TMEM67: variants seen among roughly 807,000 people sequenced by gnomAD.
The protein encoded by TMEM67 is meckelin.
In TMEM67, 124 loss-of-function variants were observed where a neutral mutation model predicts 136.6. That is an observed-to-expected ratio of 0.91 (90% CI 0.78 to 1.05). The LOEUF is 1.05. TMEM67 is among the 50% of genes least tolerant of loss of function. The pLI, the probability that TMEM67 is intolerant of heterozygous loss-of-function variation, is 0.00. For synonymous variants in TMEM67, 364 were observed against 390.5 expected (o/e 0.93, Z 0.80); for missense variants, 1,107 against 1,178.4 (o/e 0.94, Z 0.89).
intron 7 of TMEM67, among the ~76,000 whole-genome samples, chr8:93,780,318 C>T (rs926469306): frequency 2.6e-5 from 4 of 152,122 alleles, no homozygotes; most frequent in Admixed American, 1.3e-4. Flanking sequence ...CAACCCCTTG[C>T]GCTTCCTGGG....
At chr8:93,768,355 T>C (rs569137404) in intron 6 of TMEM67, among the ~76,000 whole-genome samples, 1 of 151,938 alleles carries the variant, frequency 6.6e-6, no homozygotes, top group African/African-American at 2.4e-5. Context: ...CTCACACCTG[T>C]AATCACAGCA....
chr8:93,781,000 C>G lies in TMEM67; in HGVS notation c.978+18C>G. ...AAAACCAGGTAAAAGTGTCTAATAT[C>G]ATTAGAGGATAACTACATTTTGATT... On this transcript the variant is annotated intron_variant, in intron 9 of 27. Coordinates refer to ENST00000453321, the MANE Select transcript of TMEM67 (RefSeq NM_153704.6). The G allele has an allele frequency of 7.5e-7, 1 of 1,335,896 alleles. No individual in the cohort carries two copies. The highest frequency in any genetic ancestry group is 1.1e-6 in the Non-Finnish European group (1 of 927,904). 82.8% of individuals were successfully genotyped at this position (1,335,896 alleles called of 1,614,324 possible).
chr8:93,816,443 T>A lies in TMEM67; in HGVS notation c.2979T>A (p.Phe993Leu). Residue 993 changes from phenylalanine to leucine, a missense_variant, in exon 28 of 28, where the codon TTT becomes TTA. Around this residue, in one of 3 missense-constraint regions of TMEM67, gnomAD observed 925 missense variants for 1,002.4 expected, o/e 0.92. Transcript: ENST00000453321. ...LASKTLVDQR[F>L]LI is the part of the protein sequence containing the mutation. ...CCAAAACATTGGTGGATCAAAGATT[T>A]TTGATTTAACTTCCTGAATAAATAA... 6.3e-7 allele frequency: 1 copy of A among 1,584,432 alleles called. No individual in the cohort carries two copies. Among genetic ancestry groups the A allele is most frequent in the Non-Finnish European group, 8.7e-7 (1 of 1,154,742 alleles).
chr8:93,763,268 A>G (rs532415235), intron 3 of TMEM67, among the ~76,000 whole-genome samples: 1 of 152,176 alleles, frequency 6.6e-6, no homozygotes, highest in Non-Finnish European at 1.5e-5. Context: ...AGTATTTTGT[A>G]GCATGGATAT....
At chr8:93,781,102 T>C in intron 9 of TMEM67, 120 bp downstream of exon 9, 4 of 712,222 alleles carry the variant, frequency 5.6e-6, no homozygotes, top group Admixed American at 2.3e-5. Flanking sequence ...CTAAACTAAA[T>C]ATAAATGTCA....
chr8:93,767,337 A>G (rs1813123569), intron 6 of TMEM67, among the ~76,000 whole-genome samples: 1 of 152,202 alleles, frequency 6.6e-6, no homozygotes, highest in African/African-American at 2.4e-5. Context: ...TAAAGTCACC[A>G]TGACTACCAT....
intron 14 of TMEM67, 85 bp from the exon 15 acceptor site, chr8:93,791,178 C>T (rs370776391): frequency 5.5e-6 from 5 of 908,076 alleles, no homozygotes; most frequent in Admixed American, 4.1e-5. Flanking sequence ...ATGGTAAAAC[C>T]CAGCTACAAA....
At chr8:93,831,832 C>T in the TMEM67 span, among the ~76,000 whole-genome samples, 1 of 152,164 alleles carries the variant, frequency 6.6e-6, no homozygotes, top group Admixed American at 6.5e-5. Context: ...GTTTCTCTTG[C>T]CCTGCAGCTA....
intron 4 of TMEM67, among the ~76,000 whole-genome samples, chr8:93,764,677 T>C (rs1385171123): frequency 6.6e-6 from 1 of 152,216 alleles, no homozygotes; most frequent in East Asian, 1.9e-4. Context: ...GAGCAGCTTT[T>C]CTGAGGGCTA....
At chr8:93,771,865 G>T (rs1304772679) in intron 6 of TMEM67, among the ~76,000 whole-genome samples, 2 of 152,050 alleles carry the variant, frequency 1.3e-5, no homozygotes, top group Admixed American at 6.6e-5. Flanking sequence ...GTACCTCATA[G>T]TTTTATTATA....
the TMEM67 span, among the ~76,000 whole-genome samples, chr8:93,826,120 TGTC>T: frequency 7.0e-6 from 1 of 142,488 alleles, no homozygotes; most frequent in Non-Finnish European, 1.5e-5. Flanking sequence ...TTGTTAATCA[TGTC>T]TTTTTTTTTT....
At chr8:93,819,704 T>G (rs1809012828), downstream of TMEM67, among the ~76,000 whole-genome samples, 1 of 152,106 alleles carries the variant, frequency 6.6e-6, no homozygotes, top group Admixed American at 6.5e-5. Context: ...AACCAAAGCA[T>G]GGAACAGTAT....
At chr8:93,773,640 T>A (rs1281780516) in intron 7 of TMEM67, among the ~76,000 whole-genome samples, 1 of 152,172 alleles carries the variant, frequency 6.6e-6, no homozygotes, top group African/African-American at 2.4e-5. Flanking sequence ...TTCACATGAA[T>A]AACTGTAAAA....
intron 6 of TMEM67, among the ~76,000 whole-genome samples, chr8:93,771,893 T>TTCATATAATTTA (rs1340861920): frequency 6.6e-6 from 1 of 152,236 alleles, no homozygotes; most frequent in Non-Finnish European, 1.5e-5. Flanking sequence ...CTGATCACTG[T>TTCATATAATTTA]GGTGCCATGT....
chr8:93,781,043 A>G (rs1404695830), intron 9 of TMEM67, 61 bp downstream of exon 9: 3 of 1,151,836 alleles, frequency 2.6e-6, no homozygotes, highest in African/African-American at 3.1e-5. Context: ...TTAAAAGGTA[A>G]TAAAGTTACA....
At chr8:93,829,328 T>A in the TMEM67 span, among the ~76,000 whole-genome samples, 1 of 152,178 alleles carries the variant, frequency 6.6e-6, no homozygotes, top group Non-Finnish European at 1.5e-5. Flanking sequence ...CACTCAAGTC[T>A]TTCCTCAAAA....
intron 11 of TMEM67, 120 bp from the exon 12 acceptor site, chr8:93,785,102 C>A: frequency 1.4e-6 from 1 of 730,278 alleles, no homozygotes; most frequent in Non-Finnish European, 2.3e-6. Flanking sequence ...ACTAGAAAAA[C>A]ACTCTGAAGA....
intron 2 of TMEM67, chr8:93,756,103 A>T (rs776067053): frequency 1.7e-5 from 7 of 401,790 alleles, no homozygotes; most frequent in Middle Eastern, 7.0e-4. Flanking sequence ...AGCTGTAAAA[A>T]TTTAAGTTTT....
At chr8:93,799,904 C>CT (rs35554591) in intron 21 of TMEM67, 146 bp downstream of exon 21, 5,322 of 345,950 alleles carry the variant, frequency 0.015, no homozygotes, top group South Asian at 0.02. Context: ...ATGGTCAGTT[C>CT]TTTTTTTTTT....
Sources: gnomAD v4.1 joint callset for allele counts (sites outside exome capture counted in the v4.1 genomes callset) on GRCh38, gnomAD v4.1.1 for gene constraint, gnomAD v4.1.1 regional missense constraint, MANE v1.5 for transcripts, NCBI Gene and HGNC (gene_info 2026-07-23, HGNC 2026-07-21) for gene names.